BRWD1: variants seen among roughly 807,000 people sequenced by gnomAD.
The protein encoded by BRWD1 is bromodomain and WD repeat-containing protein 1.
BRWD1 carries 82 observed loss-of-function variants against 251.2 expected under a neutral mutation model. That is an observed-to-expected ratio of 0.33 (90% CI 0.27 to 0.39). The LOEUF is 0.39. Among genes scored for constraint, BRWD1 ranks in the 10% least tolerant of loss-of-function variants. BRWD1 has a pLI of 1.00. For missense variants in BRWD1, 2,233 were observed against 2,711.6 expected, an observed-to-expected ratio of 0.82 and a Z score of 3.92; for synonymous variants, 918 against 902.8, an observed-to-expected ratio of 1.02 and a Z score of -0.30.
intron 21 of BRWD1, among the ~76,000 whole-genome samples, chr21:39,242,473 A>G (rs908824662): frequency 6.6e-6 from 1 of 152,220 alleles, no homozygotes. Context: ...CCATAACATA[A>G]AAGTGTAAGG....
In BRWD1 at chr21:39,225,149, A is replaced by C; in HGVS notation, c.3257T>G (p.Val1086Gly). 1 of 1,613,674 alleles carries C rather than the reference A, an allele frequency of 6.2e-7. No individual in the cohort carries two copies. Among genetic ancestry groups the C allele is most frequent in the Non-Finnish European group, 8.5e-7 (1 of 1,179,730 alleles). ...IIDDAWWFGT[V>G]LSQEPYQPQY... ...TGGTTGATATGGCTCTTGACTTAACACTGTTCCAAACCACCAAGCATCATC... is the reference window on the plus strand; with the variant it reads ...TGGTTGATATGGCTCTTGACTTAACCCTGTTCCAAACCACCAAGCATCATC... The change falls in exon 28 of 41, where the codon GTG becomes GGG. Residue 1086 changes from valine to glycine, a missense_variant. Physicochemically the swap from Val to Gly is moderately radical, Grantham distance 109. Around this residue, in one of 12 missense-constraint regions of BRWD1, gnomAD observed 139 missense variants for 272.8 expected, o/e 0.51. Transcript: ENST00000342449.
chr21:39,299,460 T>C (rs530713994), intron 4 of BRWD1, among the ~76,000 whole-genome samples: 131 of 152,262 alleles, frequency 8.6e-4, no homozygotes, highest in African/African-American at 2.9e-3. Flanking sequence ...TAAGTGGATA[T>C]ACCTATGGAT....
At chr21:39,261,881 ATACTC>A (rs1244333026) in intron 17 of BRWD1, among the ~76,000 whole-genome samples, 2 of 152,232 alleles carry the variant, frequency 1.3e-5, no homozygotes, top group Admixed American at 6.5e-5. Flanking sequence ...TTAAGTGTAA[ATACTC>A]TACACTTAAT....
chr21:39,232,850 T>C (rs920952800), intron 23 of BRWD1, among the ~76,000 whole-genome samples: 1 of 152,172 alleles, frequency 6.6e-6, no homozygotes, highest in Non-Finnish European at 1.5e-5. Flanking sequence ...AGGCTAATCA[T>C]CACAAGGAGT....
rs1018275682 is a variant in BRWD1 at position 39,188,642 on chromosome 21, T to A, written c.*7617A>T. The A allele has an allele frequency of 1.0e-6, 1 of 985,336 alleles. No homozygotes were observed. The highest frequency in any genetic ancestry group is 1.2e-6 in the Non-Finnish European group (1 of 829,930). The allele number at this position is 985,336 out of a possible 1,614,324, so 61.0% of individuals were successfully genotyped here. ...TGACATGTTCATACAGCTAGACTAA[T>A]GAGGCAGGCCTCTGCCCTCACAGTG... On this transcript the variant is annotated 3_prime_UTR_variant, in exon 41 of 41. Transcript: ENST00000342449.
At chr21:39,259,385 G>C (rs538325272) in intron 17 of BRWD1, among the ~76,000 whole-genome samples, 1 of 152,214 alleles carries the variant, frequency 6.6e-6, no homozygotes, top group South Asian at 2.1e-4. Context: ...CTGCCTCCTG[G>C]GTTCAGGCCA....
At chr21:39,264,209 T>C (rs2034845379) in intron 17 of BRWD1, among the ~76,000 whole-genome samples, 1 of 152,194 alleles carries the variant, frequency 6.6e-6, no homozygotes. Context: ...TAGTATTATC[T>C]GAGTGTAAAA....
At chr21:39,243,709 C>T (rs1187815259) in intron 21 of BRWD1, among the ~76,000 whole-genome samples, 1 of 152,148 alleles carries the variant, frequency 6.6e-6, no homozygotes, top group African/African-American at 2.4e-5. Context: ...CCTCAGTCTC[C>T]CAAAGTGCTG....
In BRWD1 at chr21:39,190,149, A is replaced by C. The variant is rs1475476606; in HGVS notation, c.*6110T>G. ...AAGATGGTATATGTGGTGAATAGAA[A>C]CCTGGATACAAACATAACAGTTCTG... On this transcript the variant is annotated 3_prime_UTR_variant, in exon 41 of 41. Coordinates refer to ENST00000342449, the MANE Select transcript of BRWD1 (RefSeq NM_033656.4). 10 of 984,834 alleles carry C rather than the reference A, an allele frequency of 1.0e-5. No individual in the cohort carries two copies. The highest frequency in any genetic ancestry group is 1.2e-5 in the Non-Finnish European group (10 of 829,540). The allele number at this position is 984,834 out of a possible 1,614,324, so 61.0% of individuals were successfully genotyped here.
chr21:39,295,138 T>C (rs2035920611), intron 7 of BRWD1, among the ~76,000 whole-genome samples: 1 of 150,608 alleles, frequency 6.6e-6, no homozygotes, highest in African/African-American at 2.4e-5. Flanking sequence ...TCAGTAAGTC[T>C]AGAATGTGCT....
chr21:39,196,082 C>CA lies in BRWD1; in HGVS notation c.*176dup. The CA allele has an allele frequency of 7.3e-7, 1 of 1,366,302 alleles. No individual in the cohort carries two copies. Among genetic ancestry groups the CA allele is most frequent in the Non-Finnish European group, 9.4e-7 (1 of 1,064,790 alleles). 84.6% of individuals were successfully genotyped at this position (1,366,302 alleles called of 1,614,324 possible). A position where few individuals can be genotyped will look rare whatever the true frequency, so the allele number is the denominator to read the frequency against. The stretch of plus-strand genomic sequence containing the variant: ...TTGGCACCTGTGCTGAATGCTGCTA[C>CA]AAAGACCAGCAAGTGCAAATAAAAA... On this transcript the variant is annotated 3_prime_UTR_variant, in exon 41 of 41. Transcript: ENST00000342449.
rs993101630 is a variant in BRWD1 at position 39,193,651 on chromosome 21, G to C, written c.*2608C>G. On this transcript the variant is annotated 3_prime_UTR_variant, in exon 41 of 41. Coordinates refer to ENST00000342449, the MANE Select transcript of BRWD1 (RefSeq NM_033656.4). ...CATTAAGTTGAACTTCAAGTGCAGT[G>C]GAAAGGTACAGCACTTATTTCTGGA... 1 of 985,404 alleles carries C rather than the reference G, an allele frequency of 1.0e-6. No homozygotes were observed. Among genetic ancestry groups the C allele is most frequent in the Non-Finnish European group, 1.2e-6 (1 of 829,648 alleles). 61.0% of individuals were successfully genotyped at this position (985,404 alleles called of 1,614,324 possible). A position where few individuals can be genotyped will look rare whatever the true frequency, so the allele number is the denominator to read the frequency against.
rs2836972 is a variant in BRWD1, at chr21:39,280,216, G to T, written c.864C>A (p.Tyr288Ter). ...TCCCATCAGCACCAGTGGAAACCAT[G>T]TATCTTTGAGAGCCTTTGGCCATCG... is the stretch of plus-strand genomic sequence containing the variant. ...FSPMAKGSQR[Y>*]MVSTGADGTV... Residue 288 changes from tyrosine to a stop codon, truncating the protein, a stop_gained, in exon 9 of 41, where the codon TAC (tyrosine) becomes TAA (stop). Coordinates refer to ENST00000342449, the MANE Select transcript of BRWD1 (RefSeq NM_033656.4). LOFTEE classifies it high-confidence loss of function. The T allele has an allele frequency of 1.2e-6, 2 of 1,607,558 alleles. No homozygotes were observed. Among genetic ancestry groups the T allele is most frequent in the Non-Finnish European group, 1.7e-6 (2 of 1,177,890 alleles).
At chr21:39,246,325 C>A (rs529720734) in intron 21 of BRWD1, among the ~76,000 whole-genome samples, 69 of 152,282 alleles carry the variant, frequency 4.5e-4, no homozygotes, top group Admixed American at 1.2e-3. Context: ...TACCACTTCA[C>A]GCCCATTAAG....
intron 15 of BRWD1, among the ~76,000 whole-genome samples, chr21:39,266,195 A>G (rs773199795): frequency 6.6e-6 from 1 of 152,232 alleles, no homozygotes. Flanking sequence ...GATGACAATT[A>G]GCAAACGTGG....
intron 36 of BRWD1, among the ~76,000 whole-genome samples, chr21:39,207,761 C>A (rs1417046711): frequency 6.6e-6 from 1 of 152,008 alleles, no homozygotes; most frequent in Non-Finnish European, 1.5e-5. Context: ...AGCTGGCCAT[C>A]GATAGATGAA....
downstream of BRWD1, chr21:39,184,536 C>T (rs2031099940): frequency 6.6e-6 from 1 of 152,118 alleles, no homozygotes; most frequent in African/African-American, 2.4e-5. Context: ...CATTTTGTGA[C>T]TTTGTCAGTA....
intron 21 of BRWD1, among the ~76,000 whole-genome samples, chr21:39,239,932 C>T (rs911272336): frequency 1.1e-4 from 17 of 152,090 alleles, no homozygotes; most frequent in Non-Finnish European, 2.5e-4. Flanking sequence ...GCACAAAAAC[C>T]TACACCCAGA....
chr21:39,302,118 G>A (rs2146775396), intron 4 of BRWD1, among the ~76,000 whole-genome samples: 1 of 151,074 alleles, frequency 6.6e-6, no homozygotes, highest in East Asian at 2.0e-4. Flanking sequence ...CAAGTAGCTG[G>A]GATTACAAGC....
Sources: allele counts gnomAD v4.1 joint callset (sites outside exome capture counted in the v4.1 genomes callset), GRCh38; gene constraint gnomAD v4.1.1; regional missense constraint gnomAD v4.1.1; transcripts MANE v1.5; gene names NCBI Gene and HGNC (gene_info 2026-07-23, HGNC 2026-07-21).